Variants in CRAT observed in about 807,000 individuals in gnomAD.
CRAT encodes the protein carnitine acetylase.
A neutral mutation model predicts 73.7 loss-of-function variants in CRAT; 66 were observed. The observed-to-expected ratio is 0.90, with a 90% CI of 0.73 to 1.10. The LOEUF is 1.10. CRAT is among the 50% of genes least tolerant of loss of function. The pLI is 0.00. For synonymous variants in CRAT, 321 were observed against 343.2 expected (o/e 0.94, Z 0.71); for missense variants, 745 against 846.9 (o/e 0.88, Z 1.49).
chr9:129,102,904 G>A (rs1847777120), intron 4 of CRAT, 109 bp downstream of exon 4: 1 of 1,036,434 alleles, frequency 9.6e-7, no homozygotes, highest in African/African-American at 1.6e-5. Context: ...GCTGGAGCAG[G>A]GCCCAGGGCC....
Position 129,098,520 on chromosome 9 carries a change from C to A in CRAT, c.1205+11G>T. 6.2e-7 allele frequency: 1 copy of A among 1,604,580 alleles called. No homozygotes were observed. The highest frequency in any genetic ancestry group is 8.5e-7 in the Non-Finnish European group (1 of 1,176,282). ...CCATCCAGCACAGGGATGGCGGGGG[C>A]AGGCACTTACATGCTGAGGTTCTGC... On this transcript the variant is annotated intron_variant, in intron 9 of 13. Transcript: ENST00000318080.
Position 129,097,325 on chromosome 9 carries a change from G to A in CRAT, c.1465-13C>T. ...CCTTCTGGTGCTCCTAGAGTGGTGA[G>A]GGTCAGAGGGAGCTGAAGCACTGTC... On this transcript the variant is annotated splice_polypyrimidine_tract_variant and intron_variant, in intron 11 of 13. Coordinates refer to ENST00000318080, the MANE Select transcript of CRAT (RefSeq NM_000755.5). 6.4e-7 allele frequency: 1 copy of A among 1,558,906 alleles called. No homozygotes were observed. The highest frequency in any genetic ancestry group is 1.7e-4 in the Middle Eastern group (1 of 5,862).
chr9:129,107,497 C>G lies in CRAT; in HGVS notation c.291+317G>C, dbSNP rs764598857. ...CACATATCCCCTGCCTGAGGCTGTC[C>G]CACCAAGCACAAGGGCATCTTCTAT... On this transcript the variant is annotated intron_variant, in intron 2 of 13. Transcript: ENST00000318080. The surrounding 1 kb of genome is among the most constrained non-coding windows in gnomAD (Gnocchi z 5.0). 27 of 623,766 alleles carry G rather than the reference C, an allele frequency of 4.3e-5. No homozygotes were observed. Among genetic ancestry groups the G allele is most frequent in the Non-Finnish European group, 7.9e-5 (27 of 342,740 alleles). 38.6% of individuals were successfully genotyped at this position (623,766 alleles called of 1,614,324 possible).
Position 129,107,877 on chromosome 9 carries a change from T to C in CRAT, c.228A>G (p.Ser76=). The change falls in exon 2 of 14, where the codon TCA becomes TCG. Residue 76 remains serine, a synonymous_variant. Transcript: ENST00000318080. This position sits in a 1 kb window ranked among gnomAD's most constrained non-coding sequence, Gnocchi z 5.0. ...TCTGCAGGCGCTCCCCTACACCTCCTGAGGCCTGAAACTCATCCACCAGCT... is the reference window on the plus strand; with the variant it reads ...TCTGCAGGCGCTCCCCTACACCTCCCGAGGCCTGAAACTCATCCACCAGCT... ...TKQLVDEFQA[S]GGVGERLQKG... 2 of 1,612,362 alleles carry C rather than the reference T, an allele frequency of 1.2e-6. No individual in the cohort carries two copies. Among genetic ancestry groups the C allele is most frequent in the Non-Finnish European group, 1.7e-6 (2 of 1,179,984 alleles).
chr9:129,102,261 T>G (rs1847719703), intron 5 of CRAT, 139 bp downstream of exon 5: 1 of 1,318,730 alleles, frequency 7.6e-7, no homozygotes, highest in Non-Finnish European at 1.0e-6. Flanking sequence ...GGGCCCCCAA[T>G]GGAGAAGCCA....
At chr9:129,104,690 C>T (rs1340087111) in intron 2 of CRAT, among the ~76,000 whole-genome samples, 5 of 151,750 alleles carry the variant, frequency 3.3e-5, no homozygotes, top group South Asian at 2.1e-4. Flanking sequence ...CTGCAAGCTC[C>T]GCCTCCTGGG....
Position 129,110,780 on chromosome 9 carries a change from T to G in CRAT, c.-271A>C, listed in dbSNP as rs1588470722. On this transcript the variant is annotated 5_prime_UTR_variant, in exon 1 of 14. Transcript: ENST00000318080. The surrounding 1 kb of genome is among the most constrained non-coding windows in gnomAD (Gnocchi z 5.3). ...GGGCAACGGTGCCCGGGAGGTTGGC[T>G]GTGGGGCGGGGACGGGGCATCGATG... is the stretch of plus-strand genomic sequence containing the variant. 4 of 379,006 alleles carry G rather than the reference T, an allele frequency of 1.1e-5. No homozygotes were observed. Among genetic ancestry groups the G allele is most frequent in the Non-Finnish European group, 1.3e-5 (3 of 227,678 alleles). 23.5% of individuals were successfully genotyped at this position (379,006 alleles called of 1,614,324 possible).
At chr9:129,099,713 G>C (rs1247783193) in intron 8 of CRAT, among the ~76,000 whole-genome samples, 153 bp downstream of exon 8, 1 of 152,072 alleles carries the variant, frequency 6.6e-6, no homozygotes, top group Non-Finnish European at 1.5e-5. Context: ...CAGGATTACA[G>C]GCGTGAGCCA....
In CRAT at chr9:129,103,367, G is replaced by A. The variant is rs1354821204; in HGVS notation, c.411-301C>T. On this transcript the variant is annotated intron_variant, in intron 3 of 13. Coordinates refer to ENST00000318080, the MANE Select transcript of CRAT (RefSeq NM_000755.5). The surrounding 1 kb of genome is among the most constrained non-coding windows in gnomAD (Gnocchi z 4.6). ...AGTGTGGCTTGGTTAGGGGTCAGTGGGCTGGGTCTACCCACAAAGGGCCTG... is the reference window on the plus strand; with the variant it reads ...AGTGTGGCTTGGTTAGGGGTCAGTGAGCTGGGTCTACCCACAAAGGGCCTG... 6.6e-6 allele frequency among the ~76,000 whole-genome samples: 1 copy of A among 151,972 alleles called. No homozygotes were observed.
chr9:129,108,273 T>G (rs1848146236), intron 1 of CRAT, 196 bp from the exon 2 acceptor site: 42 of 880,202 alleles, frequency 4.8e-5, no homozygotes, highest in East Asian at 6.5e-5. Flanking sequence ...CAGGTAGGGA[T>G]GGGGGAGGGT....
chr9:129,109,508 G>T (rs1848248358), intron 1 of CRAT, among the ~76,000 whole-genome samples: 2 of 152,214 alleles, frequency 1.3e-5, no homozygotes, highest in South Asian at 4.1e-4. Flanking sequence ...GATTGGGCTG[G>T]ATTTGAATGA....
intron 4 of CRAT, 85 bp downstream of exon 4, chr9:129,102,928 C>A: frequency 7.7e-7 from 1 of 1,294,954 alleles, no homozygotes; most frequent in Non-Finnish European, 1.1e-6. Context: ...GCTGGCATGC[C>A]GGGCCAGGGC....
rs1266502958 is a variant in CRAT at position 129,100,307 on chromosome 9, G to T, written c.984+204C>A. ...GGTGCTGAGGGGGTGTGCTGGGGGT[G>T]ACAGCGGTTTCCAGGCCAGAGGCAG... On this transcript the variant is annotated intron_variant, in intron 7 of 13. Coordinates refer to ENST00000318080, the MANE Select transcript of CRAT (RefSeq NM_000755.5). 2.7e-5 allele frequency: 17 copies of T among 637,376 alleles called. No individual in the cohort carries two copies. The East Asian group carries it at 4.5e-4, about 17-fold the overall frequency. 39.5% of individuals were successfully genotyped at this position (637,376 alleles called of 1,614,324 possible).
Position 129,110,553 on chromosome 9 carries a change from C to T in CRAT, c.-44G>A. 6.4e-7 allele frequency: 1 copy of T among 1,556,638 alleles called. No individual in the cohort carries two copies. The highest frequency in any genetic ancestry group is 1.2e-5 in the South Asian group (1 of 85,156). On this transcript the variant is annotated 5_prime_UTR_variant, in exon 1 of 14. It adds an upstream start codon to the 5' untranslated region. Coordinates refer to ENST00000318080, the MANE Select transcript of CRAT (RefSeq NM_000755.5). This position sits in a 1 kb window ranked among gnomAD's most constrained non-coding sequence, Gnocchi z 5.3. ...GACACGCAGTCCGCTCCGCCCCACA[C>T]ACCGGGCAAAGTCCGCGCCGCCGCC... is the stretch of plus-strand genomic sequence containing the variant.
intron 1 of CRAT, chr9:129,108,573 G>A: frequency 9.2e-7 from 1 of 1,088,446 alleles, no homozygotes; most frequent in Non-Finnish European, 1.2e-6. Flanking sequence ...GCTTCCTCCT[G>A]CCTTTGAGAT....
chr9:129,109,549 C>G (rs969675935), intron 1 of CRAT, among the ~76,000 whole-genome samples: 1 of 152,226 alleles, frequency 6.6e-6, no homozygotes, highest in Non-Finnish European at 1.5e-5. Flanking sequence ...GCAAGTCCCT[C>G]CTTGCCTCAG....
intron 7 of CRAT, 131 bp downstream of exon 7, chr9:129,100,380 C>G (rs2131456504): frequency 8.7e-7 from 1 of 1,153,972 alleles, no homozygotes; most frequent in East Asian, 2.5e-5. Context: ...CAGCGTCCAG[C>G]CTGCTGGCTT....
At chr9:129,102,379 G>A (rs200442391) in intron 5 of CRAT, 21 bp downstream of exon 5, 1 of 1,613,806 alleles carries the variant, frequency 6.2e-7, no homozygotes, top group South Asian at 1.1e-5. Flanking sequence ...GGGCTTGTAG[G>A]TGTGGGTGGG....
rs746401351 is a variant in CRAT, at chr9:129,107,792, C to T, written c.291+22G>A. 5 of 1,613,026 alleles carry T rather than the reference C, an allele frequency of 3.1e-6. No homozygotes were observed. In the East Asian group the frequency reaches 6.7e-5, roughly 22 times the overall value. On this transcript the variant is annotated intron_variant, in intron 2 of 13. Coordinates refer to ENST00000318080, the MANE Select transcript of CRAT (RefSeq NM_000755.5). The surrounding 1 kb of genome is among the most constrained non-coding windows in gnomAD (Gnocchi z 5.0). Reference sequence around the variant, plus strand: ...TGCATGTGCAGCCAGCAGCAGGTCACAGTGAGGATGCCCTCACTCACCCAG... The same window carrying T: ...TGCATGTGCAGCCAGCAGCAGGTCATAGTGAGGATGCCCTCACTCACCCAG...
Sources: allele counts gnomAD v4.1 joint callset (sites outside exome capture counted in the v4.1 genomes callset), GRCh38; gene constraint gnomAD v4.1.1; non-coding constraint Gnocchi (gnomAD v3.1); transcripts MANE v1.5; gene names NCBI Gene and HGNC (gene_info 2026-07-23, HGNC 2026-07-21).